The following CSGALNACT2 variants were observed in gnomAD, a reference collection of about 807,000 sequenced individuals.
CSGALNACT2 encodes beta 4 GalNAcT-2.
A neutral mutation model predicts 55.3 loss-of-function variants in CSGALNACT2; 35 were observed. The observed-to-expected ratio is 0.63, with a 90% CI of 0.48 to 0.84. The LOEUF (loss-of-function observed/expected upper bound fraction) is 0.84. Ranked by LOEUF, CSGALNACT2 falls within the 40% of genes least tolerant of loss-of-function variation. The pLI is 0.00. For synonymous variants in CSGALNACT2, 196 were observed against 224.9 expected, an observed-to-expected ratio of 0.87 and a Z score of 1.15; for missense variants, 544 against 657.5, an observed-to-expected ratio of 0.83 and a Z score of 1.89.
At chr10:43,141,506 C>T (rs1838622367) in intron 1 of CSGALNACT2, among the ~76,000 whole-genome samples, 1 of 151,646 alleles carries the variant, frequency 6.6e-6, no homozygotes, top group Non-Finnish European at 1.5e-5. Flanking sequence ...TGAGCCACCG[C>T]ACCTGGCCAC....
chr10:43,153,131 C>T (rs1838914107), intron 1 of CSGALNACT2, among the ~76,000 whole-genome samples: 1 of 151,800 alleles, frequency 6.6e-6, no homozygotes, highest in Non-Finnish European at 1.5e-5. Flanking sequence ...GGGCGGATCA[C>T]GAGGTCAGGA....
chr10:43,183,820 C>G lies in CSGALNACT2; in HGVS notation c.*278C>G, dbSNP rs1839640211. The G allele has an allele frequency of 2.3e-6, 1 of 429,236 alleles. No individual in the cohort carries two copies. The highest frequency in any genetic ancestry group is 2.0e-5 in the African/African-American group (1 of 49,998). The allele number at this position is 429,236 out of a possible 1,614,324, so 26.6% of individuals were successfully genotyped here. A position where few individuals can be genotyped will look rare whatever the true frequency, so the allele number is the denominator to read the frequency against. On this transcript the variant is annotated 3_prime_UTR_variant, in exon 8 of 8. Coordinates refer to ENST00000374466, the MANE Select transcript of CSGALNACT2 (RefSeq NM_018590.5). The stretch of plus-strand genomic sequence containing the variant: ...TTTTGAGTTAGTTCTACCTGGTGCC[C>G]ATGTTCTGATTGTGTGTGGGATTGC...
chr10:43,142,290 C>T (rs891898707), intron 1 of CSGALNACT2, among the ~76,000 whole-genome samples: 2 of 152,058 alleles, frequency 1.3e-5, no homozygotes, highest in Non-Finnish European at 2.9e-5. Context: ...TGGCTCACTG[C>T]AACCTCTGTT....
intron 1 of CSGALNACT2, among the ~76,000 whole-genome samples, chr10:43,144,314 A>G (rs1372223404): frequency 6.6e-6 from 1 of 152,234 alleles, no homozygotes; most frequent in Non-Finnish European, 1.5e-5. Context: ...AATTGTGTAT[A>G]ATCAAGATTG....
At chr10:43,181,731 T>C (rs1713721714) in intron 7 of CSGALNACT2, among the ~76,000 whole-genome samples, 1 of 149,372 alleles carries the variant, frequency 6.7e-6, no homozygotes, top group Admixed American at 6.7e-5. Context: ...TGAGCTATGA[T>C]TGCACCTCTG....
At chr10:43,162,167 T>C in intron 4 of CSGALNACT2, 1 of 519,102 alleles carries the variant, frequency 1.9e-6, no homozygotes, top group Non-Finnish European at 3.8e-6. Context: ...TGTCTGTTTT[T>C]CTCTGCATGT....
chr10:43,182,087 A>G (rs1564522934), intron 7 of CSGALNACT2, among the ~76,000 whole-genome samples: 1 of 151,272 alleles, frequency 6.6e-6, no homozygotes, highest in Non-Finnish European at 1.5e-5. Flanking sequence ...TTCTTCTGCC[A>G]TGGCTTCAGC....
intron 1 of CSGALNACT2, among the ~76,000 whole-genome samples, chr10:43,150,934 C>T (rs1340151702): frequency 1.3e-5 from 2 of 152,120 alleles, no homozygotes; most frequent in Non-Finnish European, 2.9e-5. Flanking sequence ...TCTTTTGCTA[C>T]ATCTCTAGTT....
intron 1 of CSGALNACT2, among the ~76,000 whole-genome samples, chr10:43,147,885 T>C (rs1168839434): frequency 6.6e-6 from 1 of 152,008 alleles, no homozygotes; most frequent in Non-Finnish European, 1.5e-5. Flanking sequence ...TTGATGTCCT[T>C]TGCAACACAA....
At chr10:43,143,538 G>T (rs879880750) in intron 1 of CSGALNACT2, among the ~76,000 whole-genome samples, 33 of 125,946 alleles carry the variant, frequency 2.6e-4, no homozygotes, top group Non-Finnish European at 4.1e-4. Context: ...TGTGTGTGTG[G>T]AATCATAATA....
chr10:43,170,144 A>G (rs1385705106), intron 6 of CSGALNACT2, among the ~76,000 whole-genome samples: 1 of 152,200 alleles, frequency 6.6e-6, no homozygotes, highest in Non-Finnish European at 1.5e-5. Flanking sequence ...TAAAAAGGCA[A>G]TTAATACCAA....
At chr10:43,166,889 A>C (rs1839276072) in intron 5 of CSGALNACT2, 115 bp from the exon 6 acceptor site, 1 of 579,138 alleles carries the variant, frequency 1.7e-6, no homozygotes, top group African/African-American at 1.9e-5. Flanking sequence ...CTGAATATTA[A>C]AAAATAGATA....
chr10:43,158,061 C>G (rs1296103851), intron 2 of CSGALNACT2, among the ~76,000 whole-genome samples: 1 of 150,720 alleles, frequency 6.6e-6, no homozygotes, highest in Non-Finnish European at 1.5e-5. Context: ...CAGATTGCCT[C>G]GTAGATGCGC....
Position 43,164,100 on chromosome 10 carries a change from G to A in CSGALNACT2, c.1159+56G>A, listed in dbSNP as rs922662167. ...ATAGAATTTAGAACGTTGTCAGCAT[G>A]TCCTATAGTTTGAATCAAGTGATTT... On this transcript the variant is annotated intron_variant, in intron 5 of 7. Coordinates refer to ENST00000374466, the MANE Select transcript of CSGALNACT2 (RefSeq NM_018590.5). 8.5e-6 allele frequency: 12 copies of A among 1,414,318 alleles called. No homozygotes were observed. In the Middle Eastern group the frequency reaches 7.2e-4, roughly 85 times the overall value. The allele number at this position is 1,414,318 out of a possible 1,614,324, so 87.6% of individuals were successfully genotyped here.
intron 6 of CSGALNACT2, among the ~76,000 whole-genome samples, chr10:43,170,440 G>A (rs1481221379): frequency 6.6e-6 from 1 of 152,184 alleles, no homozygotes; most frequent in Non-Finnish European, 1.5e-5. Flanking sequence ...ATATGTCGAA[G>A]GGGCACAGGA....
Position 43,155,140 on chromosome 10 carries a change from AT to A in CSGALNACT2, c.-8del, listed in dbSNP as rs1838964167. 1 of 1,605,144 alleles carries A rather than the reference AT, an allele frequency of 6.2e-7. No homozygotes were observed. The highest frequency in any genetic ancestry group is 2.2e-5 in the East Asian group (1 of 44,742). On this transcript the variant is annotated 5_prime_UTR_variant, in exon 2 of 8. Coordinates refer to ENST00000374466, the MANE Select transcript of CSGALNACT2 (RefSeq NM_018590.5). ...AGCTTATTTTGTTAGGCAAATACACATTAATAAGAATGCCTAGAAGAGGACT... is the reference window on the plus strand; with the variant it reads ...AGCTTATTTTGTTAGGCAAATACACATAATAAGAATGCCTAGAAGAGGACT...
intron 6 of CSGALNACT2, among the ~76,000 whole-genome samples, chr10:43,171,211 ACT>A (rs1171475430): frequency 6.6e-6 from 1 of 152,174 alleles, no homozygotes; most frequent in East Asian, 1.9e-4. Flanking sequence ...GTATACAGGA[ACT>A]CTCTTTACTG....
intron 5 of CSGALNACT2, among the ~76,000 whole-genome samples, chr10:43,165,566 A>G (rs1839247334): frequency 6.6e-6 from 1 of 152,196 alleles, no homozygotes; most frequent in African/African-American, 2.4e-5. Context: ...TGGGAGTCTG[A>G]GACAGGAGGA....
At chr10:43,179,038 T>G (rs1231415800) in intron 7 of CSGALNACT2, among the ~76,000 whole-genome samples, 1 of 152,150 alleles carries the variant, frequency 6.6e-6, no homozygotes, top group East Asian at 1.9e-4. Context: ...GTTACTATAG[T>G]TTTTAACTTC....
Sources: allele counts gnomAD v4.1 joint callset (sites outside exome capture counted in the v4.1 genomes callset), GRCh38; gene constraint gnomAD v4.1.1; transcripts MANE v1.5; gene names NCBI Gene and HGNC (gene_info 2026-07-23, HGNC 2026-07-21).